PRR5: variants seen among roughly 807,000 people sequenced by gnomAD.
PRR5 encodes proline-rich protein 5.
In PRR5, 25 loss-of-function variants were observed where a neutral mutation model predicts 30.6. That is an observed-to-expected ratio of 0.82 (90% CI 0.60 to 1.14). The LOEUF is 1.14. Among genes scored for constraint, PRR5 ranks in the 50% most tolerant of loss-of-function variants. The probability of loss-of-function intolerance (pLI) is 0.00; values close to 1 mark genes in which losing one functional copy is unlikely to be tolerated. For synonymous variants in PRR5, 286 were observed against 247.1 expected (o/e 1.16, Z -1.48); for missense variants, 600 against 547.1 (o/e 1.10, Z -0.96).
chr22:44,691,054 G>T lies in PRR5; in HGVS notation c.-10-11438G>T, dbSNP rs564450785. Among the ~76,000 whole-genome samples the T allele has an allele frequency of 1.9e-4, 29 of 152,176 alleles. No individual in the cohort carries two copies. In the South Asian group the frequency reaches 3.7e-3, roughly 20 times the overall value. On this transcript the variant is annotated intron_variant, in intron 1 of 8. Coordinates refer to the PRR5 transcript ENST00000006251. This position sits in a 1 kb window ranked among gnomAD's most constrained non-coding sequence, Gnocchi z 4.4. ...CCAAGTGAACGTGCTGGCAGCCTCGGGAAGGTGGATTCCCGGGGCGGGGAG... is the reference window on the plus strand; with the variant it reads ...CCAAGTGAACGTGCTGGCAGCCTCGTGAAGGTGGATTCCCGGGGCGGGGAG...
At chr22:44,730,208 G>C in intron 4 of PRR5, 3 of 985,380 alleles carry the variant, frequency 3.0e-6, no homozygotes, top group Non-Finnish European at 2.4e-6. Flanking sequence ...AAAGGTCCCT[G>C]TTCAGCCTCC....
At chr22:44,734,684 T>G (rs56778453) in intron 6 of PRR5, 16,882 of 262,052 alleles carry the variant, frequency 0.064, 1,045 homozygotes, top group African/African-American at 0.19. Flanking sequence ...CCAGTGTCTC[T>G]GGAGAGACTG....
intron 5 of PRR5, 80 bp from the exon 6 acceptor site, chr22:44,732,171 G>C (rs1922124723): frequency 6.4e-7 from 1 of 1,573,108 alleles, no homozygotes; most frequent in Non-Finnish European, 8.6e-7. Context: ...TCTTCCCCCT[G>C]TGGGGTCCCA....
chr22:44,736,810 C>T lies in PRR5; in HGVS notation c.730C>T (p.Leu244=). Reference sequence around the variant, plus strand: ...CCGCCGCTCCCGCTCGGGGGACGTGCTGGCCAAGAACCCTGTGGTGCGCTC... The same window carrying T: ...CCGCCGCTCCCGCTCGGGGGACGTGTTGGCCAAGAACCCTGTGGTGCGCTC... ...LLRRSRSGDV[L]AKNPVVRSKS... Residue 244 remains leucine, a synonymous_variant, in exon 8 of 8, where the codon CTG becomes TTG. Coordinates refer to ENST00000336985, the MANE Select transcript of PRR5 (RefSeq NM_181333.4). The T allele has an allele frequency of 6.3e-7, 1 of 1,576,542 alleles. No individual in the cohort carries two copies. The highest frequency in any genetic ancestry group is 8.7e-7 in the Non-Finnish European group (1 of 1,154,570).
chr22:44,707,781 A>G (rs1457120998), intron 1 of PRR5, among the ~76,000 whole-genome samples: 2 of 152,128 alleles, frequency 1.3e-5, no homozygotes, highest in Admixed American at 6.5e-5. Flanking sequence ...AGTCCACACC[A>G]ACACAGACCC....
In PRR5 at chr22:44,737,000, TC is replaced by T. The variant is rs1923399952; in HGVS notation, c.921del (p.Phe307LeufsTer93). ...DPPGQGPTGT[F>X]RSSPAPHSGP... ...CCCGGCCAGGGCCCCACCGGGACCT[TC>T]AGGTCCTCCCCGGCGCCCCACTCAG... is the stretch of plus-strand genomic sequence containing the variant. On this transcript the variant is annotated frameshift_variant, in exon 8 of 8. Transcript: ENST00000336985. LOFTEE classifies it low-confidence loss of function (END_TRUNC). The T allele has an allele frequency of 6.2e-7, 1 of 1,600,144 alleles. No homozygotes were observed. The highest frequency in any genetic ancestry group is 2.3e-5 in the East Asian group (1 of 44,430).
chr22:44,696,681 C>T (rs934673298), intron 1 of PRR5, among the ~76,000 whole-genome samples: 35 of 152,014 alleles, frequency 2.3e-4, no homozygotes, highest in Admixed American at 1.2e-3. Flanking sequence ...CACCTTCAAA[C>T]CTCAAGGCTG....
intron 1 of PRR5, among the ~76,000 whole-genome samples, chr22:44,687,424 T>C (rs915355852): frequency 3.3e-5 from 5 of 152,206 alleles, no homozygotes; most frequent in African/African-American, 4.8e-5. Flanking sequence ...TTCTCATCGG[T>C]TGGGTTAGGC....
At chr22:44,716,741 C>T (rs1394177713) in intron 2 of PRR5, among the ~76,000 whole-genome samples, 1 of 152,180 alleles carries the variant, frequency 6.6e-6, no homozygotes, top group African/African-American at 2.4e-5. Context: ...TACCCCAGCT[C>T]TTCTGGACGG....
chr22:44,732,831 ATACTACACACGTGCACACACGTGCACACG>A (rs1922343991), intron 6 of PRR5, among the ~76,000 whole-genome samples: 4 of 141,594 alleles, frequency 2.8e-5, no homozygotes, highest in Non-Finnish European at 6.1e-5. Flanking sequence ...GTGCACGCAC[ATACTACACACGTGCACACACGTGCACACG>A]CACATACTAC....
chr22:44,713,048 A>G (rs1175727941), intron 1 of PRR5, among the ~76,000 whole-genome samples: 3 of 152,134 alleles, frequency 2.0e-5, no homozygotes, highest in Admixed American at 2.0e-4. Context: ...AGACCCAGAG[A>G]TGTGGCGCTA....
chr22:44,737,363 C>T lies in PRR5; in HGVS notation c.*116C>T. ...CGTCCCGTCCCGCCAGCCCTATCGG[C>T]CTCGTCACTGGCCTTGGTCACTTTG... On this transcript the variant is annotated 3_prime_UTR_variant, in exon 8 of 8. Coordinates refer to ENST00000336985, the MANE Select transcript of PRR5 (RefSeq NM_181333.4). 7.0e-7 allele frequency: 1 copy of T among 1,436,736 alleles called. No individual in the cohort carries two copies. Among genetic ancestry groups the T allele is most frequent in the Non-Finnish European group, 9.1e-7 (1 of 1,094,494 alleles). The allele number at this position is 1,436,736 out of a possible 1,614,324, so 89.0% of individuals were successfully genotyped here.
At chr22:44,678,369 C>T (rs969759889) in intron 1 of PRR5, among the ~76,000 whole-genome samples, 1 of 141,994 alleles carries the variant, frequency 7.0e-6, no homozygotes, top group East Asian at 2.1e-4. Context: ...CTTGTTCAGG[C>T]TGGAGTGCGA....
At chr22:44,726,503 T>G in intron 3 of PRR5, 74 bp from the exon 4 acceptor site, 1 of 1,606,986 alleles carries the variant, frequency 6.2e-7, no homozygotes, top group Non-Finnish European at 8.5e-7. Context: ...GGATGGACTC[T>G]CGGGGGCCCT....
intron 1 of PRR5, among the ~76,000 whole-genome samples, chr22:44,706,493 C>T (rs1182449749): frequency 6.6e-6 from 1 of 152,138 alleles, no homozygotes; most frequent in Non-Finnish European, 1.5e-5. Context: ...TCCATTCTTT[C>T]CTCCATGGAT....
At chr22:44,685,432 T>C (rs1252768411) in intron 1 of PRR5, among the ~76,000 whole-genome samples, 1 of 152,218 alleles carries the variant, frequency 6.6e-6, no homozygotes, top group African/African-American at 2.4e-5. Context: ...GAAAAATGTT[T>C]TCCCTCCTCC....
At chr22:44,708,611 C>G (rs1336941943) in intron 1 of PRR5, among the ~76,000 whole-genome samples, 1 of 152,130 alleles carries the variant, frequency 6.6e-6, no homozygotes, top group Non-Finnish European at 1.5e-5. Context: ...CTTTCATTCC[C>G]CACAGTAACC....
chr22:44,692,355 C>T (rs988363898), intron 1 of PRR5, among the ~76,000 whole-genome samples: 11 of 143,114 alleles, frequency 7.7e-5, no homozygotes, highest in South Asian at 2.3e-4. Flanking sequence ...CCTGGGGGCT[C>T]CTCCTCCCAG....
At chr22:44,681,698 C>T (rs1198231177) in intron 1 of PRR5, among the ~76,000 whole-genome samples, 1 of 152,154 alleles carries the variant, frequency 6.6e-6, no homozygotes, top group African/African-American at 2.4e-5. Flanking sequence ...TTGTTTGACT[C>T]TGTGTTTTCC....
Sources: allele counts gnomAD v4.1 joint callset (sites outside exome capture counted in the v4.1 genomes callset), GRCh38; gene constraint gnomAD v4.1.1; non-coding constraint Gnocchi (gnomAD v3.1); transcripts MANE v1.5; gene names NCBI Gene and HGNC (gene_info 2026-07-23, HGNC 2026-07-21).